Variants in TBCK observed in about 807,000 individuals in gnomAD.
The protein encoded by TBCK is TBC1 domain containing kinase, also known as TBC domain-containing protein kinase-like protein.
Under a neutral mutation model 113.4 loss-of-function variants are expected in TBCK, and 99 were observed. The ratio of observed to expected loss-of-function variants is 0.87; its 90% CI spans 0.74 to 1.03. The LOEUF (loss-of-function observed/expected upper bound fraction) is 1.03, where lower values mean the gene tolerates loss of function less well. Ranked by LOEUF, TBCK falls within the 50% of genes least tolerant of loss-of-function variation. The pLI, the probability that TBCK is intolerant of heterozygous loss-of-function variation, is 0.00. For missense variants in TBCK, 1,045 were observed against 1,061.3 expected (o/e 0.98, Z 0.21); for synonymous variants, 369 against 370.8 (o/e 1.00, Z 0.05).
chr4:106,249,540 C>A (rs996973296), intron 7 of TBCK, among the ~76,000 whole-genome samples: 1 of 152,106 alleles, frequency 6.6e-6, no homozygotes, highest in Admixed American at 6.6e-5. Flanking sequence ...ATGTAAACAG[C>A]GCTTTTTAAG....
intron 4 of TBCK, 145 bp from the exon 5 acceptor site, chr4:106,260,655 T>TA (rs1254522427): frequency 1.0e-4 from 38 of 363,448 alleles, no homozygotes; most frequent in African/African-American, 7.6e-4. Flanking sequence ...ACTGTAGATT[T>TA]TAAAAAATCA....
intron 3 of TBCK, among the ~76,000 whole-genome samples, chr4:106,287,572 G>A (rs1765240726): frequency 6.6e-6 from 1 of 152,178 alleles, no homozygotes; most frequent in African/African-American, 2.4e-5. Context: ...AACAGTGTGT[G>A]TTTGTTGACA....
In TBCK at chr4:106,247,262, C is replaced by T. The variant is rs988703268; in HGVS notation, c.808G>A (p.Asp270Asn). 5.0e-6 allele frequency: 8 copies of T among 1,612,134 alleles called. No homozygotes were observed. Among genetic ancestry groups the T allele is most frequent in the Non-Finnish European group, 6.8e-6 (8 of 1,178,720 alleles). ...GGTGATACCTCACTGAATACTTTGT[C>T]CTTCATTAATTGATCTGGGGTTGGC... The part of the protein sequence containing the change: ...KRPTPDQLMK[D>N]KVFSEVSPLY... Residue 270 changes from aspartate (D) to asparagine (N), a missense_variant, in exon 10 of 26, where the codon GAC (aspartate) becomes AAC (asparagine). Physicochemically the swap from Asp to Asn is conservative, Grantham distance 23 (BLOSUM62 1). Transcript: ENST00000394708.
intron 3 of TBCK, among the ~76,000 whole-genome samples, chr4:106,284,236 T>A (rs2125799538): frequency 6.6e-6 from 1 of 152,182 alleles, no homozygotes; most frequent in South Asian, 2.1e-4. Context: ...AGCCTCAAGA[T>A]CCATTATCAG....
intron 23 of TBCK, among the ~76,000 whole-genome samples, chr4:106,149,276 A>G (rs1031344042): frequency 2.6e-5 from 4 of 152,140 alleles, no homozygotes; most frequent in African/African-American, 9.7e-5. Context: ...TAGCATTTTT[A>G]ATTTCCTTTA....
chr4:106,219,162 T>A (rs1415139079), intron 19 of TBCK, among the ~76,000 whole-genome samples: 1 of 140,656 alleles, frequency 7.1e-6, no homozygotes, highest in African/African-American at 2.7e-5. Context: ...TAGGTGGGAA[T>A]TGAACAATGA....
chr4:106,213,733 CCT>C (rs1443954199), intron 19 of TBCK: 1 of 155,026 alleles, frequency 6.5e-6, no homozygotes, highest in Non-Finnish European at 1.4e-5. Context: ...ACGGAGTCTC[CCT>C]GATTGCTAGC....
At position 106,236,434 on chromosome 4, in the gene TBCK, C is replaced by G. The variant is rs1365267386; in HGVS notation, c.1306G>C (p.Glu436Gln). 6.4e-7 allele frequency: 1 copy of G among 1,570,320 alleles called. No individual in the cohort carries two copies. The highest frequency in any genetic ancestry group is 1.2e-5 in the South Asian group (1 of 82,302). ...AGAATAATTCTATTTAGTTGGTACT[C>G]TGTATCCTTCTCTCTGATGATTAAA... ...LPLIIREKDTEYQLNRIILFD... is the reference protein window; with the variant it reads ...LPLIIREKDTQYQLNRIILFD... The change falls in exon 14 of 26, where the codon GAG becomes CAG. Residue 436 changes from glutamate (E) to glutamine (Q), a missense_variant. Coordinates refer to ENST00000394708, the MANE Select transcript of TBCK (RefSeq NM_001163435.3).
chr4:106,100,397 C>T (rs1229708401), intron 24 of TBCK, among the ~76,000 whole-genome samples: 2 of 152,290 alleles, frequency 1.3e-5, no homozygotes, highest in South Asian at 2.1e-4. Context: ...TCTAACAATG[C>T]TTGCAAGTGT....
chr4:106,205,293 A>G (rs1755344508), intron 20 of TBCK, among the ~76,000 whole-genome samples: 1 of 152,200 alleles, frequency 6.6e-6, no homozygotes, highest in Non-Finnish European at 1.5e-5. Context: ...TGTGTAACTC[A>G]GCAACCAATA....
At chr4:106,174,410 T>C (rs185937775) in intron 22 of TBCK, among the ~76,000 whole-genome samples, 5 of 152,114 alleles carry the variant, frequency 3.3e-5, no homozygotes, top group African/African-American at 9.7e-5. Context: ...AGGGTTGAAT[T>C]TTTTTCTTCT....
intron 20 of TBCK, 47 bp downstream of exon 20, chr4:106,212,700 TCTG>T: frequency 7.3e-7 from 1 of 1,362,790 alleles, no homozygotes; most frequent in South Asian, 1.2e-5. Flanking sequence ...GCTAATAATT[TCTG>T]CTTTTTTTTT....
At chr4:106,278,685 C>T (rs12650692) in intron 3 of TBCK, among the ~76,000 whole-genome samples, 60,980 of 150,270 alleles carry the variant, frequency 0.41, 12,588 homozygotes, top group African/African-American at 0.48. Flanking sequence ...AGTACAGATA[C>T]ATGGTGAAAT....
chr4:106,214,752 A>G (rs1756650052), intron 19 of TBCK, among the ~76,000 whole-genome samples: 1 of 151,424 alleles, frequency 6.6e-6, no homozygotes, highest in African/African-American at 2.4e-5. Flanking sequence ...GTGTACCTGA[A>G]AGTGATGGGG....
At chr4:106,125,014 A>C (rs79641921) in intron 23 of TBCK, among the ~76,000 whole-genome samples, 8 of 148,050 alleles carry the variant, frequency 5.4e-5, no homozygotes, top group Admixed American at 2.7e-4. Context: ...AAAAAAAAAA[A>C]ACACAATGTG....
intron 3 of TBCK, 38 bp from the exon 4 acceptor site, chr4:106,262,250 G>T: frequency 8.4e-7 from 1 of 1,193,370 alleles, no homozygotes; most frequent in Non-Finnish European, 1.2e-6. Context: ...CAATTACAAA[G>T]CAAATAAATA....
At chr4:106,261,632 C>T (rs578036872) in intron 4 of TBCK, among the ~76,000 whole-genome samples, 1 of 151,746 alleles carries the variant, frequency 6.6e-6, no homozygotes, top group African/African-American at 2.4e-5. Context: ...AACAGCACTT[C>T]AATAGTAAAA....
chr4:106,268,045 C>G (rs148034789), intron 3 of TBCK, among the ~76,000 whole-genome samples: 22 of 152,118 alleles, frequency 1.4e-4, no homozygotes, highest in African/African-American at 4.6e-4. Flanking sequence ...ACTACTACCT[C>G]CTATACTTCT....
At chr4:106,220,341 T>G (rs920561359) in intron 19 of TBCK, among the ~76,000 whole-genome samples, 11 of 152,224 alleles carry the variant, frequency 7.2e-5, no homozygotes, top group African/African-American at 2.7e-4. Context: ...AAGAAGTGCC[T>G]TTTGCCTCCT....
Sources: gnomAD v4.1 joint callset for allele counts (sites outside exome capture counted in the v4.1 genomes callset) on GRCh38, gnomAD v4.1.1 for gene constraint, MANE v1.5 for transcripts, NCBI Gene and HGNC (gene_info 2026-07-23, HGNC 2026-07-21) for gene names.